ABCC4: variants seen among roughly 807,000 people sequenced by gnomAD.
ABCC4 encodes the protein ATP binding cassette subfamily C member 4 (PEL blood group), also known as ATP-binding cassette sub-family C member 4.
ABCC4 carries 102 observed loss-of-function variants against 168.5 expected under a neutral mutation model. That is an observed-to-expected ratio of 0.61 (90% CI 0.52 to 0.71). ABCC4 has a LOEUF of 0.71. Ranked by LOEUF, ABCC4 falls within the 30% of genes least tolerant of loss-of-function variation. The pLI is 0.00. For missense variants in ABCC4, 1,402 were observed against 1,605.8 expected (o/e 0.87, Z 2.17); for synonymous variants, 617 against 590.7 (o/e 1.04, Z -0.65).
intron 19 of ABCC4, among the ~76,000 whole-genome samples, chr13:95,119,286 A>G (rs1348573529): frequency 6.6e-6 from 1 of 152,184 alleles, no homozygotes; most frequent in Non-Finnish European, 1.5e-5. Context: ...GGACCCCAAA[A>G]TTCAATTTTA....
At chr13:95,074,125 T>C (rs1252687070) in intron 23 of ABCC4, 89 bp downstream of exon 23, 3 of 967,612 alleles carry the variant, frequency 3.1e-6, no homozygotes, top group Non-Finnish European at 4.7e-6. Flanking sequence ...CAGTATGTAG[T>C]AGTAGACAAG....
intron 29 of ABCC4, 170 bp downstream of exon 29, chr13:95,043,512 T>C: frequency 5.7e-6 from 3 of 524,978 alleles, no homozygotes; most frequent in Non-Finnish European, 1.0e-5. Flanking sequence ...GGATATATTG[T>C]TAGTAGCACT....
At position 95,186,758 on chromosome 13, in the gene ABCC4, C is replaced by T. The variant is rs1358030494; in HGVS notation, c.1488G>A (p.Gly496=). ...CATATCGTTCCTTTTCGTATTTCTT[C>T]CCAAATAAAATATTACTCCTCAGAG... ...SGTLRSNILF[G]KKYEKERYEK... is the part of the protein sequence containing the mutation. Residue 496 remains glycine, a synonymous_variant, in exon 11 of 31, where the codon GGG becomes GGA. Transcript: ENST00000645237. 1 of 1,613,938 alleles carries T rather than the reference C, an allele frequency of 6.2e-7. No homozygotes were observed. The highest frequency in any genetic ancestry group is 1.3e-5 in the African/African-American group (1 of 74,900).
chr13:95,260,647 G>A (rs2040507432), intron 1 of ABCC4, among the ~76,000 whole-genome samples: 1 of 152,152 alleles, frequency 6.6e-6, no homozygotes, highest in Non-Finnish European at 1.5e-5. Context: ...ACACAGCCAA[G>A]ACTTATTGCT....
chr13:95,045,206 G>A (rs887567371), intron 27 of ABCC4, among the ~76,000 whole-genome samples: 1 of 152,284 alleles, frequency 6.6e-6, no homozygotes, highest in Middle Eastern at 3.4e-3. Flanking sequence ...GATCTTTCTG[G>A]TTGAGTCAAG....
chr13:95,260,561 C>G (rs1309536218), intron 1 of ABCC4, among the ~76,000 whole-genome samples: 1 of 152,072 alleles, frequency 6.6e-6, no homozygotes. Context: ...TTTGAGCAAA[C>G]TTTAGGAAAA....
chr13:95,204,270 A>T (rs1430660124), intron 8 of ABCC4, among the ~76,000 whole-genome samples: 5 of 152,194 alleles, frequency 3.3e-5, no homozygotes, highest in Non-Finnish European at 5.9e-5. Flanking sequence ...ATACAACTAG[A>T]TGAGTAAAAG....
At chr13:95,061,571 T>C (rs1185131906) in intron 26 of ABCC4, among the ~76,000 whole-genome samples, 1 of 150,892 alleles carries the variant, frequency 6.6e-6, no homozygotes, top group East Asian at 2.0e-4. Flanking sequence ...CCTCTCTGTG[T>C]TTCTCTTCTC....
At chr13:95,153,423 G>T (rs2036754812) in intron 19 of ABCC4, among the ~76,000 whole-genome samples, 1 of 152,150 alleles carries the variant, frequency 6.6e-6, no homozygotes, top group Non-Finnish European at 1.5e-5. Context: ...TAAAACCATA[G>T]CCACGGACAT....
intron 30 of ABCC4, among the ~76,000 whole-genome samples, chr13:95,028,290 T>C (rs1288755772): frequency 2.0e-5 from 3 of 152,182 alleles, no homozygotes; most frequent in Non-Finnish European, 4.4e-5. Context: ...GTAGAACTAA[T>C]TAAACCTTAT....
intron 4 of ABCC4, among the ~76,000 whole-genome samples, chr13:95,226,686 A>G (rs4520712): frequency 0.76 from 116,311 of 152,054 alleles, 44,980 homozygotes; most frequent in Non-Finnish European, 0.84. Flanking sequence ...CCAATCTGCC[A>G]CTAGAGGACT....
At chr13:95,066,898 C>A (rs2033567105) in intron 25 of ABCC4, among the ~76,000 whole-genome samples, 1 of 152,202 alleles carries the variant, frequency 6.6e-6, no homozygotes, top group Non-Finnish European at 1.5e-5. Flanking sequence ...ACATTTAATG[C>A]ATGCTGTGGA....
intron 14 of ABCC4, among the ~76,000 whole-genome samples, chr13:95,169,100 C>T (rs1293164461): frequency 6.6e-6 from 1 of 152,142 alleles, no homozygotes; most frequent in Non-Finnish European, 1.5e-5. Context: ...AGCAAAACCC[C>T]AGAAAGTGGG....
At chr13:95,170,751 A>C (rs1363428849) in intron 13 of ABCC4, 123 bp from the exon 14 acceptor site, 4 of 559,580 alleles carry the variant, frequency 7.1e-6, no homozygotes, top group Non-Finnish European at 1.2e-5. Context: ...GGTTAAATAC[A>C]AACTAAATAC....
At chr13:95,111,509 C>T (rs1232752049) in intron 20 of ABCC4, among the ~76,000 whole-genome samples, 4 of 152,218 alleles carry the variant, frequency 2.6e-5, no homozygotes, top group African/African-American at 9.7e-5. Flanking sequence ...AAAAACCTCA[C>T]CTTTCTTTAT....
intron 4 of ABCC4, among the ~76,000 whole-genome samples, chr13:95,211,370 C>G (rs1158813990): frequency 6.6e-6 from 1 of 152,158 alleles, no homozygotes; most frequent in East Asian, 1.9e-4. Flanking sequence ...ACCTGTGATT[C>G]AACTGTGACC....
chr13:95,297,140 G>A (rs1050626376), intron 1 of ABCC4, among the ~76,000 whole-genome samples: 7 of 151,730 alleles, frequency 4.6e-5, no homozygotes, highest in African/African-American at 1.5e-4. Context: ...GTATGGTGGT[G>A]GGCACTTGTA....
intron 20 of ABCC4, among the ~76,000 whole-genome samples, chr13:95,109,790 C>T (rs2139396311): frequency 6.6e-6 from 1 of 152,174 alleles, no homozygotes; most frequent in South Asian, 2.1e-4. Flanking sequence ...TCTATCTGTC[C>T]CTCCCAATAG....
chr13:95,049,499 G>A lies in ABCC4; in HGVS notation c.3456+3596C>T, dbSNP rs528460454. Among the ~76,000 whole-genome samples, 7 of 151,930 alleles carry A rather than the reference G, an allele frequency of 4.6e-5. No individual in the cohort carries two copies. In the East Asian group the frequency reaches 1.4e-3, roughly 30 times the overall value. Reference sequence around the variant, plus strand: ...TACTAAAAATACAAAAAGAGTAGCCGGCATGGTGGCAGGCACCTGTAATCA... The same window carrying A: ...TACTAAAAATACAAAAAGAGTAGCCAGCATGGTGGCAGGCACCTGTAATCA... On this transcript the variant is annotated intron_variant, in intron 27 of 30. Coordinates refer to ENST00000645237, the MANE Select transcript of ABCC4 (RefSeq NM_005845.5).
Sources: gnomAD v4.1 joint callset for allele counts (sites outside exome capture counted in the v4.1 genomes callset) on GRCh38, gnomAD v4.1.1 for gene constraint, MANE v1.5 for transcripts, NCBI Gene and HGNC (gene_info 2026-07-23, HGNC 2026-07-21) for gene names.